Variants in ABCB6 observed in about 807,000 individuals in gnomAD.
The protein encoded by ABCB6 is ATP-binding cassette sub-family B member 6.
A neutral mutation model predicts 99.4 loss-of-function variants in ABCB6; 87 were observed. The ratio of observed to expected loss-of-function variants is 0.88; its 90% CI spans 0.74 to 1.05. The LOEUF (loss-of-function observed/expected upper bound fraction) is 1.05. Among genes scored for constraint, ABCB6 ranks in the 50% least tolerant of loss-of-function variants. The pLI, the probability that ABCB6 is intolerant of heterozygous loss-of-function variation, is 0.00. For synonymous variants in ABCB6, 482 were observed against 447.5 expected, an observed-to-expected ratio of 1.08 and a Z score of -0.97; for missense variants, 1,050 against 1,097.9, an observed-to-expected ratio of 0.96 and a Z score of 0.62.
chr2:219,214,611 C>T (rs113711170), intron 6 of ABCB6, 113 bp from the exon 7 acceptor site: 4 of 789,582 alleles, frequency 5.1e-6, no homozygotes, highest in Non-Finnish European at 8.5e-6. Flanking sequence ...CAAGCCCGGA[C>T]ACCCAGATTC....
chr2:219,217,333 G>C (rs1309050363), intron 2 of ABCB6, among the ~76,000 whole-genome samples: 1 of 149,574 alleles, frequency 6.7e-6, no homozygotes, highest in African/African-American at 2.5e-5. Context: ...CCTGGGTGAC[G>C]GAGCAAGATT....
intron 1 of ABCB6, 102 bp downstream of exon 1, chr2:219,218,023 C>T: frequency 1.4e-6 from 2 of 1,453,494 alleles, no homozygotes; most frequent in Non-Finnish European, 1.8e-6. Flanking sequence ...TCTCCCTTTG[C>T]TTAGAGGCAT....
chr2:219,218,349 G>T lies in ABCB6; in HGVS notation c.325C>A (p.Leu109Met), dbSNP rs1202828790. Reference protein sequence around the residue: ...RGAPLPSYLLLASVLESLAGA... With the variant: ...RGAPLPSYLLMASVLESLAGA... ...GCCAGACTCTCCAGCACGGAGGCCA[G>T]AAGTAGATAGCTTGGCAGTGGGGCC... The change falls in exon 1 of 19, where the codon CTG becomes ATG. Residue 109 changes from leucine to methionine, a missense_variant. Physicochemically the swap from Leu to Met is conservative, Grantham distance 15 (BLOSUM62 2). Coordinates refer to ENST00000265316, the MANE Select transcript of ABCB6 (RefSeq NM_005689.4). The T allele has an allele frequency of 3.7e-6, 6 of 1,613,100 alleles. No homozygotes were observed. In the East Asian group the frequency reaches 1.1e-4, roughly 30 times the overall value.
At chr2:219,213,692 T>A in intron 9 of ABCB6, 26 bp from the exon 10 acceptor site, 1 of 1,613,876 alleles carries the variant, frequency 6.2e-7, no homozygotes, top group Non-Finnish European at 8.5e-7. Context: ...AAGCAGAGCA[T>A]GTCACGGGGG....
chr2:219,213,751 A>G, intron 9 of ABCB6, 75 bp downstream of exon 9: 3 of 1,613,364 alleles, frequency 1.9e-6, no homozygotes, highest in Non-Finnish European at 2.5e-6. Context: ...CCTACCGAAG[A>G]GCCTGGTGAC....
intron 5 of ABCB6, 152 bp from the exon 6 acceptor site, chr2:219,215,234 A>C: frequency 1.1e-6 from 1 of 882,868 alleles, no homozygotes; most frequent in Non-Finnish European, 1.7e-6. Flanking sequence ...TGGCTAAATC[A>C]ACCATGCTCA....
At chr2:219,214,232 G>T in intron 7 of ABCB6, 46 bp from the exon 8 acceptor site, 1 of 1,565,254 alleles carries the variant, frequency 6.4e-7, no homozygotes. Flanking sequence ...ACAGCACATG[G>T]CACTCGGGTC....
intron 1 of ABCB6, 110 bp downstream of exon 1, chr2:219,218,015 T>G: frequency 1.4e-6 from 2 of 1,419,592 alleles, no homozygotes; most frequent in Non-Finnish European, 1.9e-6. Flanking sequence ...CCCTCCCTTC[T>G]CCCTTTGCTT....
intron 10 of ABCB6, 29 bp from the exon 11 acceptor site, chr2:219,213,531 C>T: frequency 1.2e-6 from 2 of 1,614,192 alleles, no homozygotes; most frequent in Non-Finnish European, 8.5e-7. Context: ...TAGGACTTCT[C>T]TGAGTAGCCA....
Position 219,217,721 on chromosome 2 carries a change from C to G in ABCB6, c.636G>C (p.Gln212His). The G allele has an allele frequency of 6.2e-7, 1 of 1,614,040 alleles. No individual in the cohort carries two copies. The change falls in exon 2 of 19, where the codon CAG becomes CAC. Residue 212 changes from glutamine to histidine, a missense_variant. Transcript: ENST00000265316. ...LGLWAPGLRP[Q>H]SYTLQVHEED... ...CTTCATGAACCTGCAATGTATAGGA[C>G]TGGGGACGAAGTCCAGGGGCCCAGA...
rs111587852 is a variant in ABCB6, at chr2:219,211,198, A to G, written c.1969-90T>C. The G allele has an allele frequency of 3.1e-4, 445 of 1,421,966 alleles. No homozygotes were observed. The African/African-American group carries it at 4.7e-3, about 15-fold the overall frequency. 88.1% of individuals were successfully genotyped at this position (1,421,966 alleles called of 1,614,324 possible). A position where few individuals can be genotyped will look rare whatever the true frequency, so the allele number is the denominator to read the frequency against. On this transcript the variant is annotated intron_variant, in intron 14 of 18. Coordinates refer to ENST00000265316, the MANE Select transcript of ABCB6 (RefSeq NM_005689.4). ...GCTGGCCGGAAGCACGTGGGATAAG[A>G]GGCTGTGGTAATAATCCCACCATCA...
In ABCB6 at chr2:219,216,617, G is replaced by A. The variant is rs1950645153; in HGVS notation, c.868+35C>T. 6.5e-7 allele frequency: 1 copy of A among 1,542,126 alleles called. No individual in the cohort carries two copies. Among genetic ancestry groups the A allele is most frequent in the Non-Finnish European group, 8.8e-7 (1 of 1,139,226 alleles). ...CATCCCAGCCACCAGGCTGATGAAG[G>A]ACCAGCACACTGAGCTGGTGCTCCT... On this transcript the variant is annotated intron_variant, in intron 3 of 18. Coordinates refer to ENST00000265316, the MANE Select transcript of ABCB6 (RefSeq NM_005689.4). The surrounding 1 kb of genome is among the most constrained non-coding windows in gnomAD (Gnocchi z 4.2).
chr2:219,215,207 T>G, intron 5 of ABCB6, 125 bp from the exon 6 acceptor site: 1 of 1,230,468 alleles, frequency 8.1e-7, no homozygotes, highest in Non-Finnish European at 1.1e-6. Context: ...TAATTAATTC[T>G]ACCCTCAAGA....
chr2:219,209,796 A>G lies in ABCB6; in HGVS notation c.*142T>C. 1 of 733,590 alleles carries G rather than the reference A, an allele frequency of 1.4e-6. No individual in the cohort carries two copies. Among genetic ancestry groups the G allele is most frequent in the Non-Finnish European group, 2.4e-6 (1 of 411,844 alleles). 45.4% of individuals were successfully genotyped at this position (733,590 alleles called of 1,614,324 possible). ...GCACAGTCCACATTTTTATTTCCCC[A>G]AAAGATGTTTTTCGGAAAGGTCCCT... is the stretch of plus-strand genomic sequence containing the variant. On this transcript the variant is annotated 3_prime_UTR_variant, in exon 19 of 19. Coordinates refer to ENST00000265316, the MANE Select transcript of ABCB6 (RefSeq NM_005689.4).
Position 219,212,458 on chromosome 2 carries a change from A to G in ABCB6, c.1897T>C (p.Leu633=). 6.2e-7 allele frequency: 1 copy of G among 1,614,128 alleles called. No homozygotes were observed. The highest frequency in any genetic ancestry group is 8.5e-7 in the Non-Finnish European group (1 of 1,180,012). The change falls in exon 14 of 19, where the codon TTG becomes CTG. Residue 633 remains leucine, a synonymous_variant. Transcript: ENST00000265316. ...GPSGAGKSTI[L]RLLFRFYDIS... ...TCGTAGAAGCGAAACAGCAGGCGCA[A>G]AATTGTGCTCTTCCCTGCCCCAGAT...
In ABCB6 at chr2:219,214,978, C is replaced by A. The variant is rs748839882; in HGVS notation, c.1259G>T (p.Cys420Phe). ...NAWFGLIVFL[C>F]MSLYLTLTIV... Reference sequence around the variant, plus strand: ...GCACTCACTGAGGTAAAGACTCATGCACAGGAACACAATGAGGCCAAACCA... The same window carrying A: ...GCACTCACTGAGGTAAAGACTCATGAACAGGAACACAATGAGGCCAAACCA... Residue 420 changes from cysteine (C) to phenylalanine (F), a missense_variant, in exon 6 of 19, where the codon TGC (cysteine) becomes TTC (phenylalanine). Coordinates refer to ENST00000265316, the MANE Select transcript of ABCB6 (RefSeq NM_005689.4). 2 of 1,614,114 alleles carry A rather than the reference C, an allele frequency of 1.2e-6. No individual in the cohort carries two copies. The highest frequency in any genetic ancestry group is 1.7e-6 in the Non-Finnish European group (2 of 1,180,030).
At chr2:219,214,274 G>T in intron 7 of ABCB6, 88 bp from the exon 8 acceptor site, 1 of 1,508,124 alleles carries the variant, frequency 6.6e-7, no homozygotes, top group Non-Finnish European at 9.2e-7. Context: ...TCCTTCCTGA[G>T]TTCAAACATC....
In ABCB6 at chr2:219,214,508, G is replaced by A. The variant is rs1277657273; in HGVS notation, c.1277-10C>T. ...ACCACAATGGTCAGGGCTGGAGAGT[G>A]ACAGGATGGGGAGCAGAATAGGACA... is the stretch of plus-strand genomic sequence containing the variant. On this transcript the variant is annotated splice_polypyrimidine_tract_variant and intron_variant, in intron 6 of 18. Coordinates refer to ENST00000265316, the MANE Select transcript of ABCB6 (RefSeq NM_005689.4). 6.3e-7 allele frequency: 1 copy of A among 1,595,564 alleles called. No homozygotes were observed.
In ABCB6 at chr2:219,214,414, A is replaced by G. The variant is rs61733629; in HGVS notation, c.1361T>C (p.Val454Ala). 1.5e-3 allele frequency: 2,447 copies of G among 1,614,088 alleles called. 59 individuals carry two copies. In the Admixed American group the frequency reaches 0.038, roughly 25 times the overall value. The change falls in exon 7 of 19, where the codon GTG becomes GCG. Residue 454 changes from valine (V) to alanine (A), a missense_variant. Val to Ala is a moderately conservative substitution (Grantham distance 64, BLOSUM62 0). Transcript: ENST00000265316. Reference protein sequence around the residue: ...TQENATRARAVDSLLNFETVK... With the variant: ...TQENATRARAADSLLNFETVK... ...CGTCTCGAAGTTTAGCAGAGAGTCC[A>G]CTGCTCGTGCCCGGGTAGCGTTCTC...
Sources: gnomAD v4.1 joint callset for allele counts (sites outside exome capture counted in the v4.1 genomes callset) on GRCh38, gnomAD v4.1.1 for gene constraint, Gnocchi (gnomAD v3.1) non-coding constraint, MANE v1.5 for transcripts, NCBI Gene and HGNC (gene_info 2026-07-23, HGNC 2026-07-21) for gene names.